The following PAPSS2 variants were observed in gnomAD, a reference collection of about 807,000 sequenced individuals.
The protein encoded by PAPSS2 is bifunctional 3'-phosphoadenosine 5'-phosphosulfate synthase 2.
PAPSS2 carries 61 observed loss-of-function variants against 66.5 expected under a neutral mutation model. The ratio of observed to expected loss-of-function variants is 0.92; its 90% CI spans 0.75 to 1.14. PAPSS2 has a LOEUF of 1.14. Ranked by LOEUF, PAPSS2 falls within the 50% of genes most tolerant of loss-of-function variation. The pLI is 0.00. For synonymous variants in PAPSS2, 289 were observed against 287.5 expected (o/e 1.01, Z -0.05); for missense variants, 708 against 789.6 (o/e 0.90, Z 1.24).
intron 1 of PAPSS2, among the ~76,000 whole-genome samples, chr10:87,706,733 G>A (rs752992464): frequency 2.6e-5 from 4 of 151,944 alleles, no homozygotes; most frequent in Non-Finnish European, 4.4e-5. Flanking sequence ...AACTGCAGTC[G>A]GGGTGACAGA....
intron 1 of PAPSS2, among the ~76,000 whole-genome samples, chr10:87,678,506 G>A (rs1289482795): frequency 1.3e-5 from 2 of 152,064 alleles, no homozygotes; most frequent in African/African-American, 4.8e-5. Context: ...GCATGAAGAG[G>A]CAACCTGTTG....
chr10:87,721,712 TG>T, intron 7 of PAPSS2, 43 bp from the exon 8 acceptor site: 1 of 1,459,252 alleles, frequency 6.9e-7, no homozygotes, highest in Non-Finnish European at 9.4e-7. Context: ...ATTCGTTTGG[TG>T]GAGAGCTGAA....
At chr10:87,698,524 T>C (rs1464790738) in intron 1 of PAPSS2, among the ~76,000 whole-genome samples, 1 of 152,234 alleles carries the variant, frequency 6.6e-6, no homozygotes, top group Admixed American at 6.5e-5. Context: ...ATTTCCCTTA[T>C]AACTCAAGAG....
rs1853307589 is a variant in PAPSS2 at position 87,701,338 on chromosome 10, TTCTTTCTTTCTTTC to T, written c.28-7856_28-7843del. 5.2e-5 allele frequency among the ~76,000 whole-genome samples: 4 copies of T among 77,116 alleles called. No individual in the cohort carries two copies. The South Asian group carries it at 1.4e-3, about 28-fold the overall frequency. The allele number at this position is 77,116 out of a possible 152,430, so 50.6% of individuals were successfully genotyped here. On this transcript the variant is annotated intron_variant, in intron 1 of 12. Coordinates refer to ENST00000456849, the MANE Select transcript of PAPSS2 (RefSeq NM_001015880.2). ...TTCCTTCCTTCCTTCCTTTCTTTCT[TTCTTTCTTTCTTTC>T]TTTCTTTCTTTCTTTCTTTCTTTCT...
At chr10:87,661,720 G>T (rs1305438560) in intron 1 of PAPSS2, among the ~76,000 whole-genome samples, 7 of 152,170 alleles carry the variant, frequency 4.6e-5, no homozygotes, top group Non-Finnish European at 8.8e-5. Context: ...GAAATTTGAG[G>T]GCCGGAGGGT....
intron 9 of PAPSS2, among the ~76,000 whole-genome samples, chr10:87,738,390 TG>T (rs1435429777): frequency 6.7e-6 from 1 of 149,524 alleles, no homozygotes; most frequent in East Asian, 2.0e-4. Context: ...CACCAACACT[TG>T]TTTTTTTTCT....
rs552065075 is a variant in PAPSS2, at chr10:87,745,912, T to C, written c.1802T>C (p.Met601Thr). The change falls in exon 13 of 13, where the codon ATG (methionine) becomes ACG (threonine). Residue 601 changes from methionine to threonine, a missense_variant. Coordinates refer to ENST00000456849, the MANE Select transcript of PAPSS2 (RefSeq NM_001015880.2). ...GGAGAGAATCCCCCAGATGGCTTCA[T>C]GGCCCCCAAAGCATGGAAGGTCCTG... ...REGENPPDGF[M>T]APKAWKVLTD... The C allele has an allele frequency of 1.6e-5, 26 of 1,614,112 alleles. No individual in the cohort carries two copies. The East Asian group carries it at 5.6e-4, about 35-fold the overall frequency.
At chr10:87,693,113 G>C (rs1342458005) in intron 1 of PAPSS2, among the ~76,000 whole-genome samples, 1 of 152,168 alleles carries the variant, frequency 6.6e-6, no homozygotes, top group Non-Finnish European at 1.5e-5. Context: ...TCCCTTAAAA[G>C]GGCAGAATCC....
At chr10:87,735,959 G>T (rs984728822) in intron 9 of PAPSS2, among the ~76,000 whole-genome samples, 3 of 152,098 alleles carry the variant, frequency 2.0e-5, no homozygotes, top group Non-Finnish European at 2.9e-5. Context: ...CACTATCTTC[G>T]TGTCTTCCTA....
chr10:87,721,158 C>T (rs1001568834), intron 7 of PAPSS2, among the ~76,000 whole-genome samples: 1 of 152,204 alleles, frequency 6.6e-6, no homozygotes, highest in Non-Finnish European at 1.5e-5. Flanking sequence ...GATAATACCA[C>T]TGTGAAGATA....
intron 1 of PAPSS2, among the ~76,000 whole-genome samples, chr10:87,680,757 A>C (rs1216126359): frequency 6.6e-6 from 1 of 152,102 alleles, no homozygotes; most frequent in African/African-American, 2.4e-5. Context: ...TACTACCTGA[A>C]TCCCACAAAT....
At chr10:87,725,334 A>G (rs4934364) in intron 8 of PAPSS2, among the ~76,000 whole-genome samples, 79,100 of 152,030 alleles carry the variant, frequency 0.52, 21,798 homozygotes, top group East Asian at 0.71. Flanking sequence ...TTCTCTGAAT[A>G]CCACATTCGA....
At chr10:87,697,182 T>G (rs1267988074) in intron 1 of PAPSS2, among the ~76,000 whole-genome samples, 1 of 152,094 alleles carries the variant, frequency 6.6e-6, no homozygotes, top group African/African-American at 2.4e-5. Context: ...ATGCCCTTCT[T>G]GGAGTTTGTG....
rs542629262 is a variant in PAPSS2 at position 87,714,838 on chromosome 10, A to G, written c.614A>G (p.Gln205Arg). 6.2e-7 allele frequency: 1 copy of G among 1,610,052 alleles called. No individual in the cohort carries two copies. Among genetic ancestry groups the G allele is most frequent in the South Asian group, 1.1e-5 (1 of 91,028 alleles). ...TCCACAGTGAGTGACTGTGTCCACCAGGTAGTGGAACTTCTGCAAGAGCAG... is the reference window on the plus strand; with the variant it reads ...TCCACAGTGAGTGACTGTGTCCACCGGGTAGTGGAACTTCTGCAAGAGCAG... ...NLSTVSDCVH[Q>R]VVELLQEQNI... The change falls in exon 5 of 13, where the codon CAG (glutamine) becomes CGG (arginine). Residue 205 changes from glutamine to arginine, a missense_variant. By Grantham distance (43) the Gln-to-Arg change is conservative. Coordinates refer to ENST00000456849, the MANE Select transcript of PAPSS2 (RefSeq NM_001015880.2).
intron 9 of PAPSS2, among the ~76,000 whole-genome samples, chr10:87,738,231 C>T (rs1003167253): frequency 2.6e-5 from 4 of 152,156 alleles, no homozygotes; most frequent in Non-Finnish European, 5.9e-5. Context: ...TGAATATACA[C>T]CCATAAGTAG....
At position 87,746,158 on chromosome 10, in the gene PAPSS2, CTG is replaced by C. The variant is rs1215953396; in HGVS notation, c.*189_*190del. On this transcript the variant is annotated 3_prime_UTR_variant, in exon 13 of 13. Coordinates refer to ENST00000456849, the MANE Select transcript of PAPSS2 (RefSeq NM_001015880.2). ...ACACACATATACATACAAAGTCAAA[CTG>C]AAGACCAAATCTTAGCAGGTAAAAG... The C allele has an allele frequency of 4.4e-6, 2 of 454,010 alleles. No homozygotes were observed. The highest frequency in any genetic ancestry group is 4.0e-5 in the African/African-American group (2 of 49,848). 28.1% of individuals were successfully genotyped at this position (454,010 alleles called of 1,614,324 possible).
intron 1 of PAPSS2, among the ~76,000 whole-genome samples, chr10:87,702,071 T>C (rs1225948307): frequency 6.6e-6 from 1 of 152,212 alleles, no homozygotes; most frequent in Non-Finnish European, 1.5e-5. Context: ...CGGAAAGGAA[T>C]AAATATATAA....
chr10:87,717,191 G>A (rs916658917), intron 7 of PAPSS2, among the ~76,000 whole-genome samples: 4 of 152,146 alleles, frequency 2.6e-5, no homozygotes, highest in South Asian at 2.1e-4. Context: ...GCTGAACACC[G>A]ACTGCCTGAA....
At position 87,727,505 on chromosome 10, in the gene PAPSS2, T is replaced by G. The variant is rs770150344; in HGVS notation, c.1086+16T>G. On this transcript the variant is annotated intron_variant, in intron 9 of 12. Coordinates refer to ENST00000456849, the MANE Select transcript of PAPSS2 (RefSeq NM_001015880.2). ...CCATATCAAAGTAAGTCACAAAACCTTTGGAAGGACTTTCTTGAGCTATTT... is the reference window on the plus strand; with the variant it reads ...CCATATCAAAGTAAGTCACAAAACCGTTGGAAGGACTTTCTTGAGCTATTT... The G allele has an allele frequency of 1.3e-6, 2 of 1,593,708 alleles. No individual in the cohort carries two copies. The highest frequency in any genetic ancestry group is 1.3e-5 in the African/African-American group (1 of 74,588).
Sources: allele counts gnomAD v4.1 joint callset (sites outside exome capture counted in the v4.1 genomes callset), GRCh38; gene constraint gnomAD v4.1.1; transcripts MANE v1.5; gene names NCBI Gene and HGNC (gene_info 2026-07-23, HGNC 2026-07-21).